CUEDC1: variants seen among roughly 807,000 people sequenced by gnomAD.
CUEDC1 encodes CUE domain containing 1, also known as CUE domain-containing protein 1.
In CUEDC1, 30 loss-of-function variants were observed where a neutral mutation model predicts 43.7. That is an observed-to-expected ratio of 0.69 (90% CI 0.51 to 0.93). The LOEUF (loss-of-function observed/expected upper bound fraction) is 0.93, where lower values mean the gene tolerates loss of function less well. CUEDC1 is among the 40% of genes least tolerant of loss of function. The pLI, the probability that CUEDC1 is intolerant of heterozygous loss-of-function variation, is 0.00. For missense variants in CUEDC1, 486 were observed against 549.0 expected, an observed-to-expected ratio of 0.89 and a Z score of 1.15; for synonymous variants, 223 against 223.6, an observed-to-expected ratio of 1.00 and a Z score of 0.02.
intron 1 of CUEDC1, among the ~76,000 whole-genome samples, chr17:57,937,880 T>C (rs2074877166): frequency 1.3e-5 from 2 of 152,218 alleles, no homozygotes; most frequent in Admixed American, 1.3e-4. Context: ...GCACTCCAGC[T>C]GGGACGACAG....
chr17:57,942,684 C>A (rs1007582868), intron 1 of CUEDC1, among the ~76,000 whole-genome samples: 3 of 151,834 alleles, frequency 2.0e-5, no homozygotes, highest in Non-Finnish European at 4.4e-5. Flanking sequence ...CCACCACACC[C>A]GGCCAAATTG....
intron 2 of CUEDC1, among the ~76,000 whole-genome samples, chr17:57,880,477 A>C (rs1425271612): frequency 6.6e-6 from 1 of 152,160 alleles, no homozygotes; most frequent in Non-Finnish European, 1.5e-5. Context: ...CTCAGGGCGG[A>C]GAGTAGCAAG....
rs1322313439 is a variant in CUEDC1, at chr17:57,861,359, G to A, written c.*1930C>T. 1 of 152,266 alleles carries A rather than the reference G, an allele frequency of 6.6e-6. No individual in the cohort carries two copies. Among genetic ancestry groups the A allele is most frequent in the Admixed American group, 6.5e-5 (1 of 15,286 alleles). 9.4% of individuals were successfully genotyped at this position (152,266 alleles called of 1,614,324 possible). A position where few individuals can be genotyped will look rare whatever the true frequency, so the allele number is the denominator to read the frequency against. On this transcript the variant is annotated 3_prime_UTR_variant, in exon 11 of 11. Coordinates refer to ENST00000577830, the MANE Select transcript of CUEDC1 (RefSeq NM_001271875.2). ...ATACAGCAAGCGGTTTACAGTCCTG[G>A]GCCAAACAGGAAGGCGACAGCGCTA...
In CUEDC1 at chr17:57,868,189, AT is replaced by A. The variant is rs768345194; in HGVS notation, c.994del (p.Met332Ter). The A allele has an allele frequency of 1.9e-6, 3 of 1,614,056 alleles. No individual in the cohort carries two copies. The highest frequency in any genetic ancestry group is 2.5e-6 in the Non-Finnish European group (3 of 1,180,034). ...CAAGTGTTTCCTCTTTGACTTCCTC[AT>A]TTTGGTCTTCTCTGAGAAGGCTCGG... Reference protein sequence around the residue: ...LARAFSEKTKMRKSKRKHLLK... With the variant: ...LARAFSEKTKXRKSKRKHLLK... On this transcript the variant is annotated frameshift_variant, in exon 8 of 11. Coordinates refer to ENST00000577830, the MANE Select transcript of CUEDC1 (RefSeq NM_001271875.2). LOFTEE classifies it high-confidence loss of function.
chr17:57,875,503 G>C (rs561770965), intron 3 of CUEDC1, among the ~76,000 whole-genome samples: 1 of 152,170 alleles, frequency 6.6e-6, no homozygotes, highest in South Asian at 2.1e-4. Context: ...CCACAGCTGC[G>C]TGAGCCAGGG....
intron 1 of CUEDC1, among the ~76,000 whole-genome samples, chr17:57,902,726 G>T (rs944236920): frequency 6.6e-6 from 1 of 152,218 alleles, no homozygotes; most frequent in Admixed American, 6.5e-5. Flanking sequence ...AGCTTAAGAC[G>T]TTGCGGGAAA....
chr17:57,915,056 G>A (rs566624287), intron 1 of CUEDC1: 2 of 152,274 alleles, frequency 1.3e-5, no homozygotes, highest in Admixed American at 6.5e-5. Context: ...AGAAGGCCAG[G>A]AGGCAACCCT....
chr17:57,906,656 A>G (rs1440886217), intron 1 of CUEDC1, among the ~76,000 whole-genome samples: 1 of 152,180 alleles, frequency 6.6e-6, no homozygotes, highest in Non-Finnish European at 1.5e-5. Context: ...AGAGACAAAT[A>G]AGGCACCAGA....
intron 1 of CUEDC1, among the ~76,000 whole-genome samples, chr17:57,919,871 G>A (rs896534171): frequency 8.5e-5 from 13 of 152,132 alleles, no homozygotes; most frequent in African/African-American, 3.1e-4. Context: ...AGCACAAACA[G>A]CCCCCAGTAA....
At chr17:57,913,635 G>A (rs988762906) in intron 1 of CUEDC1, among the ~76,000 whole-genome samples, 6 of 151,490 alleles carry the variant, frequency 4.0e-5, no homozygotes, top group Admixed American at 2.6e-4. Context: ...GGGACTCTAG[G>A]GAGGAGAGGT....
At position 57,930,692 on chromosome 17, in the gene CUEDC1, A is replaced by G. The variant is rs891724296; in HGVS notation, c.-316+24533T>C. ...CAGCACTTTCTACTTCTTAAAAAGA[A>G]GATATCCACATCTATCGTGAAAGCT... On this transcript the variant is annotated intron_variant, in intron 1 of 10. Coordinates refer to ENST00000577830, the MANE Select transcript of CUEDC1 (RefSeq NM_001271875.2). This position sits in a 1 kb window ranked among gnomAD's most constrained non-coding sequence, Gnocchi z 4.2. 6.6e-6 allele frequency among the ~76,000 whole-genome samples: 1 copy of G among 152,242 alleles called. No individual in the cohort carries two copies. The highest frequency in any genetic ancestry group is 1.5e-5 in the Non-Finnish European group (1 of 68,048).
intron 1 of CUEDC1, among the ~76,000 whole-genome samples, chr17:57,918,299 A>C (rs1262170588): frequency 6.6e-6 from 1 of 152,112 alleles, no homozygotes; most frequent in Non-Finnish European, 1.5e-5. Flanking sequence ...TTCTTCCTAA[A>C]ACTGATCAGC....
In CUEDC1 at chr17:57,868,262, G is replaced by C; in HGVS notation, c.941-19C>G. ...CGGGTGGCTGGGGGCAGAGAGACCT[G>C]TGAGTCATTCTCTCAGCAGCCAGCA... On this transcript the variant is annotated intron_variant, in intron 7 of 10. Transcript: ENST00000577830. 1 of 1,608,254 alleles carries C rather than the reference G, an allele frequency of 6.2e-7. No individual in the cohort carries two copies.
Position 57,872,849 on chromosome 17 carries a change from C to T in CUEDC1, c.598G>A (p.Ala200Thr), listed in dbSNP as rs769636977. Residue 200 changes from alanine (A) to threonine (T), a missense_variant, in exon 5 of 11, where the codon GCT (alanine) becomes ACT (threonine). Physicochemically the swap from Ala to Thr is moderately conservative, Grantham distance 58. Coordinates refer to ENST00000577830, the MANE Select transcript of CUEDC1 (RefSeq NM_001271875.2). ...CCACTCCCAGGCTTGGGGCCCCCAG[C>T]GTTACCCTGAGGAGGGAAGCGAGCA... is the stretch of plus-strand genomic sequence containing the variant. ...PQQLDSIQGN[A>T]GGPKPGSGEG... 4 of 1,611,916 alleles carry T rather than the reference C, an allele frequency of 2.5e-6. No homozygotes were observed. Among genetic ancestry groups the T allele is most frequent in the Middle Eastern group, 1.7e-4 (1 of 6,042 alleles).
chr17:57,935,292 A>T (rs550681416), intron 1 of CUEDC1, among the ~76,000 whole-genome samples: 76 of 152,162 alleles, frequency 5.0e-4, no homozygotes, highest in Non-Finnish European at 8.4e-4. Flanking sequence ...TGGCTTGCTG[A>T]AATCAGTGTA....
chr17:57,901,475 C>G (rs917284398), intron 1 of CUEDC1, among the ~76,000 whole-genome samples: 1 of 152,238 alleles, frequency 6.6e-6, no homozygotes, highest in African/African-American at 2.4e-5. Context: ...ACCTACCCCT[C>G]CCCTGAATAT....
chr17:57,871,604 T>C (rs1248774202), intron 5 of CUEDC1, among the ~76,000 whole-genome samples: 1 of 152,198 alleles, frequency 6.6e-6, no homozygotes, highest in African/African-American at 2.4e-5. Context: ...TCAGAGAGAC[T>C]GTAGAGTCCA....
chr17:57,891,260 C>T (rs1441253100), intron 1 of CUEDC1, among the ~76,000 whole-genome samples: 1 of 152,224 alleles, frequency 6.6e-6, no homozygotes, highest in Non-Finnish European at 1.5e-5. Context: ...CCCCAACCTG[C>T]TTCTCCCCTG....
intron 1 of CUEDC1, among the ~76,000 whole-genome samples, chr17:57,941,746 C>T (rs777361625): frequency 6.6e-6 from 1 of 152,222 alleles, no homozygotes; most frequent in Non-Finnish European, 1.5e-5. Context: ...AGACAATAAT[C>T]GCTGGCTCCT....
Sources: gnomAD v4.1 joint callset for allele counts (sites outside exome capture counted in the v4.1 genomes callset) on GRCh38, gnomAD v4.1.1 for gene constraint, Gnocchi (gnomAD v3.1) non-coding constraint, MANE v1.5 for transcripts, NCBI Gene and HGNC (gene_info 2026-07-23, HGNC 2026-07-21) for gene names.